Variants in EHD1 observed in about 807,000 individuals in gnomAD.
The protein encoded by EHD1 is EH domain containing 1, also known as EH domain-containing protein 1.
In EHD1, 19 loss-of-function variants were observed where a neutral mutation model predicts 39.0. That is an observed-to-expected ratio of 0.49 (90% confidence interval 0.34 to 0.72). The LOEUF is 0.72. Among genes scored for constraint, EHD1 ranks in the 30% least tolerant of loss-of-function variants. EHD1 has a pLI of 0.01. For missense variants in EHD1, 542 were observed against 751.5 expected, an observed-to-expected ratio of 0.72 and a Z score of 3.26; for synonymous variants, 323 against 331.2, an observed-to-expected ratio of 0.98 and a Z score of 0.27.
chr11:64,875,185 C>G (rs1943872268), intron 1 of EHD1, among the ~76,000 whole-genome samples: 1 of 152,188 alleles, frequency 6.6e-6, no homozygotes, highest in African/African-American at 2.4e-5. Context: ...TTAGAACAGC[C>G]CAGAAAGGCA....
Position 64,854,085 on chromosome 11 carries a change from G to A in EHD1, c.*248C>T, listed in dbSNP as rs752475313. On this transcript the variant is annotated 3_prime_UTR_variant, in exon 5 of 5. Transcript: ENST00000320631. ...GGCACACAGGGGAGGCGGCGACAAAGAACGCAGCCTCTAACGTTATATATT... is the reference window on the plus strand; with the variant it reads ...GGCACACAGGGGAGGCGGCGACAAAAAACGCAGCCTCTAACGTTATATATT... The A allele has an allele frequency of 8.9e-6, 6 of 674,952 alleles. 1 individual carries two copies. In the African/African-American group the frequency reaches 9.1e-5, roughly 10 times the overall value. The allele number at this position is 674,952 out of a possible 1,614,324, so 41.8% of individuals were successfully genotyped here.
chr11:64,863,234 C>T (rs1230336422), intron 2 of EHD1, among the ~76,000 whole-genome samples: 1 of 152,230 alleles, frequency 6.6e-6, no homozygotes, highest in Non-Finnish European at 1.5e-5. Context: ...AACGAGTCCT[C>T]AGCCCACCAC....
Position 64,855,347 on chromosome 11 carries a change from TC to T in EHD1, c.1054del (p.Asp352ThrfsTer23), listed in dbSNP as rs1368000271. The stretch of plus-strand genomic sequence containing the variant: ...CTGCATCTTGCGGAGGCTCGGGAAG[TC>T]CCCAGGGGAGATCTGGTGCTCGCGC... ...IEREHQISPG[D>X]FPSLRKMQEL... On this transcript the variant is annotated frameshift_variant, in exon 4 of 5. Coordinates refer to ENST00000320631, the MANE Select transcript of EHD1 (RefSeq NM_006795.4). LOFTEE classifies it high-confidence loss of function. 6.2e-7 allele frequency: 1 copy of T among 1,613,932 alleles called. No individual in the cohort carries two copies. Among genetic ancestry groups the T allele is most frequent in the East Asian group, 2.2e-5 (1 of 44,872 alleles).
Position 64,860,092 on chromosome 11 carries a change from C to G in EHD1, c.747G>C (p.Val249=). The G allele has an allele frequency of 2.5e-6, 4 of 1,614,184 alleles. No homozygotes were observed. The highest frequency in any genetic ancestry group is 3.4e-6 in the Non-Finnish European group (4 of 1,180,040). Reference sequence around the variant, plus strand: ...AGAAGGAGCCGATGTAGACCCTGACCACCTCGGGGGTGTTGATGATCTTGC... The same window carrying G: ...AGAAGGAGCCGATGTAGACCCTGACGACCTCGGGGGTGTTGATGATCTTGC... ...SLGKIINTPE[V]VRVYIGSFWS... is the part of the protein sequence containing the mutation. Residue 249 remains valine, a synonymous_variant, in exon 3 of 5, where the codon GTG becomes GTC. Coordinates refer to ENST00000320631, the MANE Select transcript of EHD1 (RefSeq NM_006795.4).
chr11:64,875,962 C>T (rs1224572301), intron 1 of EHD1, among the ~76,000 whole-genome samples: 2 of 152,094 alleles, frequency 1.3e-5, no homozygotes, highest in Non-Finnish European at 2.9e-5. Context: ...ATAAATGAGC[C>T]CAGAAAGTGA....
chr11:64,854,444 G>T lies in EHD1; in HGVS notation c.1494C>A (p.Asp498Glu). 1 of 1,614,092 alleles carries T rather than the reference G, an allele frequency of 6.2e-7. No individual in the cohort carries two copies. The highest frequency in any genetic ancestry group is 8.5e-7 in the Non-Finnish European group (1 of 1,179,974). The change falls in exon 5 of 5, where the codon GAC (aspartate) becomes GAA (glutamate). Residue 498 changes from aspartate to glutamate, a missense_variant. Transcript: ENST00000320631. ...ADVDKDGLLD[D>E]EEFALANHLI... The stretch of plus-strand genomic sequence containing the variant: ...GGTGGTTGGCCAGCGCGAACTCCTC[G>T]TCGTCCAGCAGCCCGTCCTTGTCCA...
In EHD1 at chr11:64,855,366, G is replaced by A; in HGVS notation, c.1036C>T (p.His346Tyr). Residue 346 changes from histidine (H) to tyrosine (Y), a missense_variant, in exon 4 of 5, where the codon CAC becomes TAC. Transcript: ENST00000320631. ...GGGAAGTCCCCAGGGGAGATCTGGT[G>A]CTCGCGCTCAATCTTCTGGTAGATC... ...GEIYQKIEREHQISPGDFPSL... is the reference protein window; with the variant it reads ...GEIYQKIEREYQISPGDFPSL... 1 of 1,614,158 alleles carries A rather than the reference G, an allele frequency of 6.2e-7. No individual in the cohort carries two copies. The highest frequency in any genetic ancestry group is 2.2e-5 in the East Asian group (1 of 44,882).
In EHD1 at chr11:64,878,158, C is replaced by G. The variant is rs937096645; in HGVS notation, c.307G>C (p.Gly103Arg). The G allele has an allele frequency of 6.2e-7, 1 of 1,600,568 alleles. No individual in the cohort carries two copies. The highest frequency in any genetic ancestry group is 8.5e-7 in the Non-Finnish European group (1 of 1,169,604). The change falls in exon 1 of 5, where the codon GGC becomes CGC. Residue 103 changes from glycine to arginine, a missense_variant. By Grantham distance (125) the Gly-to-Arg change is moderately radical. Coordinates refer to ENST00000320631, the MANE Select transcript of EHD1 (RefSeq NM_006795.4). ...CCCGGCACCACGCCCTCAGTGGGGC[C>G]GTGCATGACGGCGATGAAGGAGTCG... is the stretch of plus-strand genomic sequence containing the variant. ...TTDSFIAVMH[G>R]PTEGVVPGNA...
chr11:64,858,994 G>A (rs75449277), intron 3 of EHD1, among the ~76,000 whole-genome samples: 7,809 of 152,250 alleles, frequency 0.051, 256 homozygotes, highest in African/African-American at 0.074. Flanking sequence ...GTCTCCTCAC[G>A]AGCTGCTTCC....
At chr11:64,863,559 G>A (rs958415087) in intron 2 of EHD1, among the ~76,000 whole-genome samples, 3 of 152,208 alleles carry the variant, frequency 2.0e-5, no homozygotes, top group Admixed American at 6.5e-5. Flanking sequence ...CTGCCTCTAC[G>A]CACAAGCACG....
chr11:64,855,108 C>T (rs1383558359), intron 4 of EHD1: 2 of 895,314 alleles, frequency 2.2e-6, no homozygotes, highest in Admixed American at 2.9e-5. Context: ...CCCTGCCCTC[C>T]CCCCACCACG....
Position 64,868,227 on chromosome 11 carries a change from C to T in EHD1, c.502+6194G>A, listed in dbSNP as rs1943789698. On this transcript the variant is annotated intron_variant, in intron 2 of 4. Transcript: ENST00000320631. The surrounding 1 kb of genome is among the most constrained non-coding windows in gnomAD (Gnocchi z 4.2). Reference sequence around the variant, plus strand: ...GCTGCGTGGGCTTCAGTATTTCTCGCCCTAGCTCTCCATCACACAGGTTTC... The same window carrying T: ...GCTGCGTGGGCTTCAGTATTTCTCGTCCTAGCTCTCCATCACACAGGTTTC... 6.6e-6 allele frequency among the ~76,000 whole-genome samples: 1 copy of T among 152,216 alleles called. No individual in the cohort carries two copies. Among genetic ancestry groups the T allele is most frequent in the South Asian group, 2.1e-4 (1 of 4,838 alleles).
chr11:64,866,327 G>A (rs745342987), intron 2 of EHD1, among the ~76,000 whole-genome samples: 18 of 152,112 alleles, frequency 1.2e-4, no homozygotes, highest in Non-Finnish European at 2.4e-4. Flanking sequence ...GTGAAACATT[G>A]AGTACACATG....
In EHD1 at chr11:64,874,487, G is replaced by C. The variant is rs139892854; in HGVS notation, c.436C>G (p.Leu146Val). ...GTGTCGATGATGCTGATGCTGTCCAGGACGGGGTTGGGCAGCTGGGCACAC... is the reference window on the plus strand; with the variant it reads ...GTGTCGATGATGCTGATGCTGTCCACGACGGGGTTGGGCAGCTGGGCACAC... ...FMCAQLPNPV[L>V]DSISIIDTPG... The change falls in exon 2 of 5, where the codon CTG (leucine) becomes GTG (valine). Residue 146 changes from leucine (L) to valine (V), a missense_variant. Transcript: ENST00000320631. 6.2e-7 allele frequency: 1 copy of C among 1,610,790 alleles called. No homozygotes were observed. The highest frequency in any genetic ancestry group is 8.5e-7 in the Non-Finnish European group (1 of 1,178,834).
Position 64,855,456 on chromosome 11 carries a change from T to C in EHD1, c.946A>G (p.Lys316Glu). ...VHAYIISSLK[K>E]EMPNVFGKES... ...TTACCAAAGACATTGGGCATCTCTTTCTTGAGGGAGCTGATGATGTAGGCG... is the reference window on the plus strand; with the variant it reads ...TTACCAAAGACATTGGGCATCTCTTCCTTGAGGGAGCTGATGATGTAGGCG... Residue 316 changes from lysine to glutamate, a missense_variant, in exon 4 of 5, where the codon AAA becomes GAA. Transcript: ENST00000320631. The C allele has an allele frequency of 1.2e-6, 2 of 1,613,932 alleles. No homozygotes were observed. The highest frequency in any genetic ancestry group is 1.7e-6 in the Non-Finnish European group (2 of 1,180,004).
intron 2 of EHD1, among the ~76,000 whole-genome samples, chr11:64,865,271 A>G (rs1943755590): frequency 6.6e-6 from 1 of 152,248 alleles, no homozygotes; most frequent in South Asian, 2.1e-4. Flanking sequence ...CTGCCCTCAA[A>G]GGCACCTCAC....
At chr11:64,864,889 C>G (rs549173284) in intron 2 of EHD1, among the ~76,000 whole-genome samples, 10 of 152,222 alleles carry the variant, frequency 6.6e-5, no homozygotes, top group South Asian at 2.1e-4. Flanking sequence ...CCCACTCCCC[C>G]CTCCCCCTGG....
Position 64,854,074 on chromosome 11 carries a change from GCGGCGACAAAGA to G in EHD1, c.*247_*258del. The G allele has an allele frequency of 1.6e-6, 1 of 606,784 alleles. No homozygotes were observed. Among genetic ancestry groups the G allele is most frequent in the Non-Finnish European group, 2.8e-6 (1 of 360,392 alleles). The allele number at this position is 606,784 out of a possible 1,614,324, so 37.6% of individuals were successfully genotyped here. A position where few individuals can be genotyped will look rare whatever the true frequency, so the allele number is the denominator to read the frequency against. On this transcript the variant is annotated 3_prime_UTR_variant, in exon 5 of 5. Transcript: ENST00000320631. Reference sequence around the variant, plus strand: ...CACACAGGGCTGGCACACAGGGGAGGCGGCGACAAAGAACGCAGCCTCTAACGTTATATATTA... The same window carrying G: ...CACACAGGGCTGGCACACAGGGGAGGACGCAGCCTCTAACGTTATATATTA...
At chr11:64,869,656 A>T (rs1943806794) in intron 2 of EHD1, among the ~76,000 whole-genome samples, 1 of 152,316 alleles carries the variant, frequency 6.6e-6, no homozygotes, top group South Asian at 2.1e-4. Flanking sequence ...AACTCCCTAG[A>T]GCCACCCAGC....
Sources: allele counts gnomAD v4.1 joint callset (sites outside exome capture counted in the v4.1 genomes callset), GRCh38; gene constraint gnomAD v4.1.1; non-coding constraint Gnocchi (gnomAD v3.1); transcripts MANE v1.5; gene names NCBI Gene and HGNC (gene_info 2026-07-23, HGNC 2026-07-21).